LCOR: variants seen among roughly 807,000 people sequenced by gnomAD.
LCOR encodes the protein ligand dependent nuclear receptor corepressor.
In LCOR, 14 loss-of-function variants were observed where a neutral mutation model predicts 64.4. The observed-to-expected ratio is 0.22, with a 90% confidence interval of 0.14 to 0.34. LCOR has a LOEUF of 0.34. Among genes scored for constraint, LCOR ranks in the 10% least tolerant of loss-of-function variants. The pLI is 1.00. For missense variants in LCOR, 1,686 were observed against 1,765.3 expected, an observed-to-expected ratio of 0.96 and a Z score of 0.80; for synonymous variants, 643 against 642.5, an observed-to-expected ratio of 1.00 and a Z score of -0.01.
At chr10:96,866,026 A>G (rs1344936779) in intron 2 of LCOR, among the ~76,000 whole-genome samples, 1 of 152,196 alleles carries the variant, frequency 6.6e-6, no homozygotes, top group Non-Finnish European at 1.5e-5. Flanking sequence ...TTCATATAAA[A>G]GGAACTACAC....
In LCOR at chr10:96,989,064, C is replaced by T. The variant is rs1046615558; in HGVS notation, c.*3930C>T. 4 of 152,136 alleles carry T rather than the reference C, an allele frequency of 2.6e-5. No individual in the cohort carries two copies. Among genetic ancestry groups the T allele is most frequent in the Non-Finnish European group, 5.9e-5 (4 of 68,020 alleles). The allele number at this position is 152,136 out of a possible 1,614,324, so 9.4% of individuals were successfully genotyped here. ...TCTCTTCTGCCCTTTTCTCTCTGTT[C>T]TTCTTTACTTCTCATTTTCCTTGTC... is the stretch of plus-strand genomic sequence containing the variant. On this transcript the variant is annotated 3_prime_UTR_variant, in exon 8 of 8. Coordinates refer to ENST00000421806, the MANE Select transcript of LCOR (RefSeq NM_001346516.2).
intron 4 of LCOR, among the ~76,000 whole-genome samples, chr10:96,939,812 A>C (rs945885680): frequency 5.3e-5 from 8 of 152,130 alleles, no homozygotes; most frequent in African/African-American, 1.9e-4. Context: ...AAATACAAAA[A>C]ATCAGCCGGG....
intron 7 of LCOR, chr10:96,963,264 C>T (rs1327300910): frequency 6.6e-6 from 1 of 152,228 alleles, no homozygotes; most frequent in Non-Finnish European, 1.5e-5. Flanking sequence ...CACACACACA[C>T]ACAAACATGC....
In LCOR at chr10:96,907,997, G is replaced by GT. The variant is rs959104528; in HGVS notation, c.-184+260dup. ...TGTTATTTTGTTTTTTTGCTTTTTT[G>GT]TTTTTTTTTTATTTTGAGACGGAGT... On this transcript the variant is annotated intron_variant, in intron 4 of 7. Transcript: ENST00000421806. 245 of 148,362 alleles carry GT rather than the reference G, an allele frequency of 1.7e-3. 1 individual carries two copies. The highest frequency in any genetic ancestry group is 4.2e-3 in the African/African-American group (171 of 40,498). The allele number at this position is 148,362 out of a possible 1,614,324, so 9.2% of individuals were successfully genotyped here.
intron 4 of LCOR, among the ~76,000 whole-genome samples, chr10:96,920,434 G>GTATTTATGTATATATATTCA (rs1847030369): frequency 8.1e-6 from 1 of 124,012 alleles, no homozygotes; most frequent in Non-Finnish European, 1.6e-5. Flanking sequence ...ATATATATGT[G>GTATTTATGTATATATATTCA]TATATATGTG....
At chr10:96,887,737 A>G (rs1229870198) in intron 2 of LCOR, among the ~76,000 whole-genome samples, 1 of 150,440 alleles carries the variant, frequency 6.6e-6, no homozygotes, top group African/African-American at 2.5e-5. Context: ...CTATAGTGCA[A>G]TGGCGCCATC....
intron 2 of LCOR, among the ~76,000 whole-genome samples, chr10:96,868,711 C>G (rs1362226802): frequency 6.6e-6 from 1 of 152,170 alleles, no homozygotes; most frequent in Non-Finnish European, 1.5e-5. Context: ...TTATACTATT[C>G]TTTCATAGCA....
At chr10:96,925,161 C>T (rs572480450) in intron 4 of LCOR, among the ~76,000 whole-genome samples, 65 of 152,142 alleles carry the variant, frequency 4.3e-4, no homozygotes, top group Non-Finnish European at 7.6e-4. Flanking sequence ...CAGCAACCTC[C>T]GCGTCCCGGG....
rs537292176 is a variant in LCOR, at chr10:96,984,504, C to A, written c.4044C>A (p.Ser1348Arg). 8.1e-6 allele frequency: 13 copies of A among 1,614,168 alleles called. No homozygotes were observed. The highest frequency in any genetic ancestry group is 1.0e-5 in the Non-Finnish European group (12 of 1,180,036). The stretch of plus-strand genomic sequence containing the variant: ...TGGAAAGTAAGCCAAGTCGTAAGAG[C>A]GTATGCATCAACCCTCTGATGTCCC... ...LAVESKPSRK[S>R]VCINPLMSPK... The change falls in exon 8 of 8, where the codon AGC (serine) becomes AGA (arginine). Residue 1348 changes from serine (S) to arginine (R), a missense_variant. Transcript: ENST00000421806.
chr10:96,888,470 A>G (rs1846385420), intron 2 of LCOR, among the ~76,000 whole-genome samples: 2 of 151,250 alleles, frequency 1.3e-5, no homozygotes, highest in African/African-American at 4.8e-5. Context: ...TGCGGGCATG[A>G]GAACTTCCCT....
Position 96,985,216 on chromosome 10 carries a change from C to A in LCOR, c.*82C>A. The A allele has an allele frequency of 6.9e-7, 1 of 1,439,020 alleles. No homozygotes were observed. The highest frequency in any genetic ancestry group is 1.6e-5 in the South Asian group (1 of 61,202). The allele number at this position is 1,439,020 out of a possible 1,614,324, so 89.1% of individuals were successfully genotyped here. A position where few individuals can be genotyped will look rare whatever the true frequency, so the allele number is the denominator to read the frequency against. On this transcript the variant is annotated 3_prime_UTR_variant, in exon 8 of 8. Coordinates refer to ENST00000421806, the MANE Select transcript of LCOR (RefSeq NM_001346516.2). Reference sequence around the variant, plus strand: ...CATTAACTAAATCTGCTTTTATAAGCTTATCAAGCCTTTCAAATTTACAGT... The same window carrying A: ...CATTAACTAAATCTGCTTTTATAAGATTATCAAGCCTTTCAAATTTACAGT...
rs773530008 is a variant in LCOR, at chr10:96,982,297, G to A, written c.1837G>A (p.Ala613Thr). 23 of 1,614,104 alleles carry A rather than the reference G, an allele frequency of 1.4e-5. 2 individuals carry two copies. In the South Asian group the frequency reaches 2.5e-4, roughly 18 times the overall value. Reference sequence around the variant, plus strand: ...CTCCCCTAGGTCAGAGGAAACGACAGCCTCCAGCCTGGTGTGGCCTCTCCC... The same window carrying A: ...CTCCCCTAGGTCAGAGGAAACGACAACCTCCAGCCTGGTGTGGCCTCTCCC... ...SSSPRSEETTASSLVWPLPAH... is the reference protein window; with the variant it reads ...SSSPRSEETTTSSLVWPLPAH... The change falls in exon 8 of 8, where the codon GCC becomes ACC. Residue 613 changes from alanine (A) to threonine (T), a missense_variant. Ala to Thr is a moderately conservative substitution (Grantham distance 58). Transcript: ENST00000421806.
At chr10:96,878,267 G>C (rs1471442131) in intron 2 of LCOR, among the ~76,000 whole-genome samples, 4 of 152,182 alleles carry the variant, frequency 2.6e-5, no homozygotes, top group South Asian at 4.1e-4. Context: ...GGTTGCTTAC[G>C]TTGATAATTG....
chr10:96,949,688 C>T (rs533240859), intron 6 of LCOR, among the ~76,000 whole-genome samples: 1 of 152,144 alleles, frequency 6.6e-6, no homozygotes, highest in Non-Finnish European at 1.5e-5. Context: ...TATGCCTCTA[C>T]TTGCAGGTAT....
Position 96,988,897 on chromosome 10 carries a change from C to T in LCOR, c.*3763C>T, listed in dbSNP as rs1471739457. On this transcript the variant is annotated 3_prime_UTR_variant, in exon 8 of 8. Transcript: ENST00000421806. ...TCTGTCTGCGGCTGCTTTCGCACTG[C>T]AAGAGCAGAGTTGAGTAGCTGCGGC... The T allele has an allele frequency of 6.6e-6, 1 of 152,240 alleles. No individual in the cohort carries two copies. Among genetic ancestry groups the T allele is most frequent in the Non-Finnish European group, 1.5e-5 (1 of 68,048 alleles). The allele number at this position is 152,240 out of a possible 1,614,324, so 9.4% of individuals were successfully genotyped here. A position where few individuals can be genotyped will look rare whatever the true frequency, so the allele number is the denominator to read the frequency against.
intron 1 of LCOR, 83 bp downstream of exon 1, chr10:96,832,482 G>C (rs1264230213): frequency 2.5e-6 from 1 of 402,774 alleles, no homozygotes; most frequent in African/African-American, 2.2e-5. Flanking sequence ...CTGGGGAAGT[G>C]GCAATTGCTG....
At chr10:96,943,088 T>G (rs1294700572) in intron 4 of LCOR, among the ~76,000 whole-genome samples, 1 of 113,256 alleles carries the variant, frequency 8.8e-6, no homozygotes, top group Non-Finnish European at 1.8e-5. Flanking sequence ...TCAGAGAAAC[T>G]TTCTGACCTA....
chr10:96,949,351 G>T, intron 6 of LCOR, 56 bp downstream of exon 6: 2 of 1,313,946 alleles, frequency 1.5e-6, no homozygotes, highest in Non-Finnish European at 2.1e-6. Flanking sequence ...ACTTTGGGGA[G>T]AAAAAAAAAA....
chr10:96,952,063 A>C, intron 6 of LCOR, 40 bp from the exon 7 acceptor site: 2 of 1,461,230 alleles, frequency 1.4e-6, no homozygotes, highest in South Asian at 2.3e-5. Context: ...ATTTGCTCCT[A>C]GCTTTTAATA....
Sources: gnomAD v4.1 joint callset for allele counts (sites outside exome capture counted in the v4.1 genomes callset) on GRCh38, gnomAD v4.1.1 for gene constraint, MANE v1.5 for transcripts, NCBI Gene and HGNC (gene_info 2026-07-23, HGNC 2026-07-21) for gene names.